CAPZA1: variants seen among roughly 807,000 people sequenced by gnomAD.
CAPZA1 encodes F-actin-capping protein subunit alpha-1.
Under a neutral mutation model 40.8 loss-of-function variants are expected in CAPZA1, and 10 were observed. The ratio of observed to expected loss-of-function variants is 0.25; its 90% confidence interval spans 0.15 to 0.42. CAPZA1 has a LOEUF of 0.42. Ranked by LOEUF, CAPZA1 falls within the 10% of genes least tolerant of loss-of-function variation. The pLI, the probability that CAPZA1 is intolerant of heterozygous loss-of-function variation, is 1.00. For synonymous variants in CAPZA1, 98 were observed against 115.0 expected, an observed-to-expected ratio of 0.85 and a Z score of 0.95; for missense variants, 277 against 353.8, an observed-to-expected ratio of 0.78 and a Z score of 1.74.
intron 1 of CAPZA1, among the ~76,000 whole-genome samples, chr1:112,644,801 T>G (rs1339266316): frequency 6.6e-6 from 1 of 152,156 alleles, no homozygotes; most frequent in East Asian, 1.9e-4. Flanking sequence ...ATTACTAGCA[T>G]TATTACTATG....
intron 8 of CAPZA1, 31 bp from the exon 9 acceptor site, chr1:112,669,512 C>T: frequency 6.6e-7 from 1 of 1,516,218 alleles, no homozygotes; most frequent in South Asian, 1.1e-5. Context: ...AAAAAAAAAT[C>T]TGATTTTCCC....
intron 3 of CAPZA1, 73 bp downstream of exon 3, chr1:112,649,542 C>A: frequency 8.3e-7 from 1 of 1,208,180 alleles, no homozygotes; most frequent in Non-Finnish European, 1.2e-6. Flanking sequence ...TAAACTAGCA[C>A]CCTGAAAACA....
At chr1:112,649,239 A>G (rs763474333) in intron 2 of CAPZA1, among the ~76,000 whole-genome samples, 179 bp from the exon 3 acceptor site, 7 of 152,234 alleles carry the variant, frequency 4.6e-5, no homozygotes, top group Admixed American at 6.5e-5. Context: ...AGCACACATA[A>G]TTGTACACAA....
intron 5 of CAPZA1, among the ~76,000 whole-genome samples, chr1:112,656,496 C>T (rs1334219979): frequency 8.7e-6 from 1 of 114,888 alleles, no homozygotes; most frequent in Non-Finnish European, 1.6e-5. Flanking sequence ...GTGGACTGGA[C>T]AAGTATAGAA....
At chr1:112,647,298 C>G in intron 2 of CAPZA1, 25 bp downstream of exon 2, 1 of 1,265,358 alleles carries the variant, frequency 7.9e-7, no homozygotes, top group Non-Finnish European at 1.1e-6. Context: ...GTATTTTAAT[C>G]CCTCCTTAAT....
chr1:112,639,010 T>A (rs1387789744), intron 1 of CAPZA1, among the ~76,000 whole-genome samples: 1 of 146,504 alleles, frequency 6.8e-6, no homozygotes, highest in Non-Finnish European at 1.5e-5. Context: ...TATTATATAA[T>A]TTTAATATAA....
At chr1:112,627,883 C>G (rs867310550) in intron 1 of CAPZA1, among the ~76,000 whole-genome samples, 11 of 152,064 alleles carry the variant, frequency 7.2e-5, no homozygotes, top group African/African-American at 2.4e-4. Flanking sequence ...TAGCTTAAAC[C>G]CAGGAGACGG....
chr1:112,624,524 C>T (rs1670758357), intron 1 of CAPZA1, among the ~76,000 whole-genome samples: 1 of 138,696 alleles, frequency 7.2e-6, no homozygotes. Context: ...AGGAGAATAG[C>T]TTGAACCCAG....
chr1:112,647,334 G>A (rs896257552), intron 2 of CAPZA1, 61 bp downstream of exon 2: 3 of 871,040 alleles, frequency 3.4e-6, no homozygotes, highest in Non-Finnish European at 5.1e-6. Flanking sequence ...AGTACTTGCT[G>A]TCTGTTTTAA....
chr1:112,660,983 A>G (rs1326397607), intron 7 of CAPZA1, among the ~76,000 whole-genome samples: 3 of 150,972 alleles, frequency 2.0e-5, no homozygotes, highest in Non-Finnish European at 4.4e-5. Flanking sequence ...TCAGCCTCCC[A>G]AGTAGCTGGG....
intron 1 of CAPZA1, 65 bp downstream of exon 1, chr1:112,619,948 C>T: frequency 7.5e-7 from 1 of 1,340,348 alleles, no homozygotes; most frequent in Middle Eastern, 1.9e-4. Context: ...GGCCCGGCTG[C>T]GTTGGGAGCC....
At chr1:112,660,502 T>G (rs1376196568) in intron 7 of CAPZA1, among the ~76,000 whole-genome samples, 1 of 151,964 alleles carries the variant, frequency 6.6e-6, no homozygotes, top group African/African-American at 2.4e-5. Context: ...CTGGTCTCGA[T>G]CTCCTGACCT....
At chr1:112,629,811 G>A (rs1670886100) in intron 1 of CAPZA1, among the ~76,000 whole-genome samples, 2 of 152,128 alleles carry the variant, frequency 1.3e-5, no homozygotes, top group African/African-American at 4.8e-5. Context: ...CCAAACAAGA[G>A]AGTGTTTTCC....
At chr1:112,624,321 A>G (rs1670752542) in intron 1 of CAPZA1, among the ~76,000 whole-genome samples, 1 of 152,136 alleles carries the variant, frequency 6.6e-6, no homozygotes, top group Non-Finnish European at 1.5e-5. Context: ...TAAATGAGGT[A>G]TTATGGGCTG....
intron 5 of CAPZA1, among the ~76,000 whole-genome samples, chr1:112,655,274 G>A (rs1291922792): frequency 6.6e-6 from 1 of 152,136 alleles, no homozygotes; most frequent in Non-Finnish European, 1.5e-5. Flanking sequence ...GAGGCCAGGA[G>A]TTCGAGACCA....
At chr1:112,650,762 CAACCT>C (rs2101167737) in intron 3 of CAPZA1, among the ~76,000 whole-genome samples, 1 of 152,352 alleles carries the variant, frequency 6.6e-6, no homozygotes, top group East Asian at 1.9e-4. Context: ...AGTGTCATTG[CAACCT>C]AAAGCCTGTT....
intron 1 of CAPZA1, among the ~76,000 whole-genome samples, chr1:112,622,527 T>C (rs1670696610): frequency 6.6e-6 from 1 of 152,234 alleles, no homozygotes; most frequent in Admixed American, 6.5e-5. Flanking sequence ...TCATTGTCTA[T>C]TTCCTTTATT....
chr1:112,667,233 G>A, intron 8 of CAPZA1, 88 bp downstream of exon 8: 2 of 915,158 alleles, frequency 2.2e-6, no homozygotes, highest in Non-Finnish European at 3.4e-6. Context: ...GATTCTGCCA[G>A]TAGAAATTCA....
intron 1 of CAPZA1, among the ~76,000 whole-genome samples, chr1:112,640,525 C>T (rs1210597826): frequency 7.0e-6 from 1 of 143,410 alleles, no homozygotes; most frequent in Non-Finnish European, 1.5e-5. Context: ...GTGAGGGGCG[C>T]CTCTGCCCGG....
Sources: allele counts gnomAD v4.1 joint callset (sites outside exome capture counted in the v4.1 genomes callset), GRCh38; gene constraint gnomAD v4.1.1; transcripts MANE v1.5; gene names NCBI Gene and HGNC (gene_info 2026-07-23, HGNC 2026-07-21).